The following HHAT variants were observed in gnomAD, a reference collection of about 807,000 sequenced individuals.
The protein encoded by HHAT is hedgehog acyltransferase, also known as protein-cysteine N-palmitoyltransferase HHAT.
HHAT carries 47 observed loss-of-function variants against 70.8 expected under a neutral mutation model. That is an observed-to-expected ratio of 0.66 (90% CI 0.53 to 0.85). The LOEUF is 0.85. Ranked by LOEUF, HHAT falls within the 40% of genes least tolerant of loss-of-function variation. HHAT has a pLI of 0.00. For missense variants in HHAT, 609 were observed against 604.8 expected (o/e 1.01, Z -0.07); for synonymous variants, 228 against 247.6 (o/e 0.92, Z 0.74).
chr1:210,545,059 A>C (rs1473108970), intron 9 of HHAT, among the ~76,000 whole-genome samples: 1 of 151,840 alleles, frequency 6.6e-6, no homozygotes, highest in Non-Finnish European at 1.5e-5. Context: ...CCCGTTCTCC[A>C]TATTGTAATG....
At chr1:210,350,382 C>A (rs115919501) in intron 2 of HHAT, among the ~76,000 whole-genome samples, 3,878 of 152,266 alleles carry the variant, frequency 0.025, 69 homozygotes, top group Middle Eastern at 0.068. Flanking sequence ...GACATCTTGA[C>A]AATATTGAGT....
intron 2 of HHAT, among the ~76,000 whole-genome samples, chr1:210,354,445 G>A (rs1231241522): frequency 2.6e-5 from 4 of 152,012 alleles, no homozygotes; most frequent in African/African-American, 7.2e-5. Context: ...GCCACCCAAA[G>A]TGCCGGGATT....
intron 7 of HHAT, among the ~76,000 whole-genome samples, chr1:210,437,597 G>C (rs1402276827): frequency 2.6e-5 from 4 of 151,852 alleles, no homozygotes; most frequent in African/African-American, 9.7e-5. Flanking sequence ...TGCCATTGCA[G>C]CTACTTTGGT....
intron 8 of HHAT, among the ~76,000 whole-genome samples, chr1:210,505,822 C>A (rs1190967620): frequency 6.6e-6 from 1 of 152,210 alleles, no homozygotes; most frequent in East Asian, 1.9e-4. Flanking sequence ...CTGTGTCATG[C>A]TAAGTGGCCA....
At chr1:210,332,685 G>A (rs1197027163) in intron 1 of HHAT, among the ~76,000 whole-genome samples, 2 of 152,202 alleles carry the variant, frequency 1.3e-5, no homozygotes, top group African/African-American at 4.8e-5. Context: ...TTAATGCAGG[G>A]TGCTTGGTCT....
Position 210,587,908 on chromosome 1 carries a change from A to T in HHAT, c.1054A>T (p.Ile352Phe). 1 of 1,613,908 alleles carries T rather than the reference A, an allele frequency of 6.2e-7. No homozygotes were observed. The change falls in exon 10 of 12, where the codon ATT becomes TTT. Residue 352 changes from isoleucine (I) to phenylalanine (F), a missense_variant. By Grantham distance (21) the Ile-to-Phe change is conservative. Coordinates refer to ENST00000261458, the MANE Select transcript of HHAT (RefSeq NM_018194.6). Reference protein sequence around the residue: ...LHNFLIRYVYIPVGGSQHGLL... With the variant: ...LHNFLIRYVYFPVGGSQHGLL... ...CTCTTCTTTCTCTAGGTATGTGTAC[A>T]TTCCAGTGGGCGGGTCCCAGCATGG...
chr1:210,533,903 G>GA (rs554013853), intron 9 of HHAT, among the ~76,000 whole-genome samples: 2 of 152,204 alleles, frequency 1.3e-5, no homozygotes, highest in Non-Finnish European at 2.9e-5. Flanking sequence ...GGCCCGGCTT[G>GA]AATGAGTTTG....
chr1:210,531,861 G>C (rs2095318309), intron 9 of HHAT, among the ~76,000 whole-genome samples: 1 of 152,200 alleles, frequency 6.6e-6, no homozygotes. Flanking sequence ...GAAAAGGCTT[G>C]CTTAGTGGCA....
chr1:210,343,018 G>C (rs1571730384), intron 1 of HHAT, among the ~76,000 whole-genome samples: 1 of 152,138 alleles, frequency 6.6e-6, no homozygotes, highest in African/African-American at 2.4e-5. Flanking sequence ...GATCAACTCA[G>C]TATACCACTG....
intron 10 of HHAT, among the ~76,000 whole-genome samples, chr1:210,593,934 CTT>C (rs1282811045): frequency 1.3e-5 from 2 of 152,056 alleles, no homozygotes; most frequent in Admixed American, 6.6e-5. Flanking sequence ...AGCTTTGTCT[CTT>C]TTTATAGTTT....
intron 9 of HHAT, among the ~76,000 whole-genome samples, chr1:210,587,572 G>T (rs1660741459): frequency 6.6e-6 from 1 of 152,202 alleles, no homozygotes; most frequent in Non-Finnish European, 1.5e-5. Context: ...CTGCCATTCT[G>T]TGATTGGATT....
chr1:210,486,166 C>T (rs1308410440), intron 8 of HHAT, among the ~76,000 whole-genome samples: 1 of 152,138 alleles, frequency 6.6e-6, no homozygotes, highest in Non-Finnish European at 1.5e-5. Flanking sequence ...TTAATAACTT[C>T]TTACTACTCC....
intron 9 of HHAT, among the ~76,000 whole-genome samples, chr1:210,580,138 T>C (rs1008075011): frequency 2.0e-5 from 3 of 152,204 alleles, no homozygotes; most frequent in Non-Finnish European, 4.4e-5. Flanking sequence ...ATATGAAGCT[T>C]ATGTACAGCA....
chr1:210,586,936 G>A (rs1050137975), intron 9 of HHAT, among the ~76,000 whole-genome samples: 1 of 152,200 alleles, frequency 6.6e-6, no homozygotes, highest in Admixed American at 6.5e-5. Context: ...TATGCATTTT[G>A]TCTGGTACTT....
At chr1:210,466,472 T>G (rs1031051359) in intron 8 of HHAT, among the ~76,000 whole-genome samples, 5 of 152,186 alleles carry the variant, frequency 3.3e-5, no homozygotes, top group African/African-American at 1.2e-4. Flanking sequence ...ACTTACTGAG[T>G]CAATGGGTTG....
At position 210,464,670 on chromosome 1, in the gene HHAT, T is replaced by C. The variant is rs369870343; in HGVS notation, c.1007+15T>C. 5.6e-6 allele frequency: 9 copies of C among 1,613,790 alleles called. No homozygotes were observed. The highest frequency in any genetic ancestry group is 1.3e-5 in the African/African-American group (1 of 74,926). ...GGGATGTGGAGGTCAGGCGCTGGGA[T>C]TGCTAAAGTTGGTCAGGCATGTCCA... On this transcript the variant is annotated intron_variant, in intron 8 of 11. Transcript: ENST00000261458.
chr1:210,624,380 A>T (rs943887985), intron 11 of HHAT, among the ~76,000 whole-genome samples: 3 of 152,180 alleles, frequency 2.0e-5, no homozygotes, highest in Non-Finnish European at 4.4e-5. Flanking sequence ...TAATCAACAG[A>T]CAACAAAGAC....
At chr1:210,514,271 C>G (rs965219436) in intron 9 of HHAT, among the ~76,000 whole-genome samples, 5 of 152,218 alleles carry the variant, frequency 3.3e-5, no homozygotes, top group African/African-American at 7.2e-5. Context: ...CCCCCATACT[C>G]AAGGAATAAG....
At chr1:210,660,433 T>G (rs58481184) in intron 11 of HHAT, among the ~76,000 whole-genome samples, 4,127 of 152,190 alleles carry the variant, frequency 0.027, 187 homozygotes, top group African/African-American at 0.094. Flanking sequence ...ACAAATGGAA[T>G]AACATTCCAT....
Sources: gnomAD v4.1 joint callset for allele counts (sites outside exome capture counted in the v4.1 genomes callset) on GRCh38, gnomAD v4.1.1 for gene constraint, MANE v1.5 for transcripts, NCBI Gene and HGNC (gene_info 2026-07-23, HGNC 2026-07-21) for gene names.